Variants in RYR2 observed in about 807,000 individuals in gnomAD.
RYR2 encodes cardiac muscle ryanodine receptor-calcium release channel.
Under a neutral mutation model 601.1 loss-of-function variants are expected in RYR2, and 227 were observed. The ratio of observed to expected loss-of-function variants is 0.38; its 90% CI spans 0.34 to 0.42. The LOEUF is 0.42. Among genes scored for constraint, RYR2 ranks in the 10% least tolerant of loss-of-function variants. The pLI is 1.00. For missense variants in RYR2, 4,646 were observed against 6,156.5 expected (o/e 0.75, Z 8.21); for synonymous variants, 2,223 against 2,175.1 (o/e 1.02, Z -0.61).
intron 10 of RYR2, among the ~76,000 whole-genome samples, chr1:237,391,699 G>A (rs979344442): frequency 1.3e-5 from 2 of 152,010 alleles, no homozygotes; most frequent in African/African-American, 2.4e-5. Flanking sequence ...TATGATTCTG[G>A]ATATCAGTAG....
chr1:237,573,231 TACACAC>T (rs10556537), intron 29 of RYR2, among the ~76,000 whole-genome samples: 55,832 of 148,664 alleles, frequency 0.38, 11,088 homozygotes, highest in Admixed American at 0.47. Flanking sequence ...GATATACACA[TACACAC>T]ACACACACAC....
chr1:237,303,927 A>G (rs988652808), intron 2 of RYR2, among the ~76,000 whole-genome samples: 1 of 152,210 alleles, frequency 6.6e-6, no homozygotes, highest in African/African-American at 2.4e-5. Flanking sequence ...AGTAATTCCA[A>G]CCACCACAGC....
chr1:237,243,437 C>T (rs983896957), intron 1 of RYR2, among the ~76,000 whole-genome samples: 10 of 152,162 alleles, frequency 6.6e-5, no homozygotes, highest in Non-Finnish European at 1.2e-4. Flanking sequence ...ATAAAGACTC[C>T]TGCGAAGGGT....
intron 42 of RYR2, among the ~76,000 whole-genome samples, chr1:237,632,484 T>G (rs1448311578): frequency 6.8e-6 from 1 of 146,604 alleles, no homozygotes; most frequent in Non-Finnish European, 1.5e-5. Flanking sequence ...AACCTCCGCC[T>G]CCCAGGTTCA....
chr1:237,305,380 T>C (rs941683073), intron 2 of RYR2, among the ~76,000 whole-genome samples: 1 of 152,186 alleles, frequency 6.6e-6, no homozygotes, highest in Non-Finnish European at 1.5e-5. Context: ...CAGAAGAATA[T>C]ACACTTTATA....
chr1:237,502,822 A>G (rs1370359735), intron 21 of RYR2, among the ~76,000 whole-genome samples: 2 of 151,804 alleles, frequency 1.3e-5, no homozygotes, highest in African/African-American at 4.8e-5. Context: ...CAAGAAAGTG[A>G]AAAAAGAATC....
intron 1 of RYR2, among the ~76,000 whole-genome samples, chr1:237,267,903 A>C (rs896122640): frequency 1.3e-5 from 2 of 152,332 alleles, no homozygotes; most frequent in Non-Finnish European, 2.9e-5. Context: ...TGTGAGTAAC[A>C]AGTTACTTTA....
At chr1:237,273,532 G>A (rs960980208) in intron 2 of RYR2, among the ~76,000 whole-genome samples, 1 of 138,866 alleles carries the variant, frequency 7.2e-6, no homozygotes, top group Non-Finnish European at 1.5e-5. Context: ...CCAAGGAACT[G>A]AGATGGAATG....
chr1:237,823,662 C>A (rs188848704), intron 101 of RYR2, among the ~76,000 whole-genome samples: 27 of 151,988 alleles, frequency 1.8e-4, no homozygotes, highest in African/African-American at 5.1e-4. Context: ...TAGCAGAAGA[C>A]AAGAAATAAC....
rs12072641 is a variant in RYR2 at position 237,372,167 on chromosome 1, A to C, written c.385-2550A>C. On this transcript the variant is annotated intron_variant, in intron 6 of 104. Coordinates refer to ENST00000366574, the MANE Select transcript of RYR2 (RefSeq NM_001035.3). Reference sequence around the variant, plus strand: ...TAATTGTCTATTTAATGAAATTCAAAAGTATAGGATGAGAAGTATAGGAAA... The same window carrying C: ...TAATTGTCTATTTAATGAAATTCAACAGTATAGGATGAGAAGTATAGGAAA... Among the ~76,000 whole-genome samples, 1,005 of 152,354 alleles carry C rather than the reference A, an allele frequency of 6.6e-3. 16 individuals are homozygous for C. Among genetic ancestry groups the C allele is most frequent in the African/African-American group, 0.022 (903 of 41,578 alleles).
intron 2 of RYR2, among the ~76,000 whole-genome samples, chr1:237,279,342 T>C (rs1421337806): frequency 6.6e-6 from 1 of 152,216 alleles, no homozygotes; most frequent in African/African-American, 2.4e-5. Flanking sequence ...CTGCTGAGTC[T>C]CACCTTGTTC....
intron 98 of RYR2, among the ~76,000 whole-genome samples, chr1:237,805,362 C>T (rs557729589): frequency 2.6e-5 from 4 of 152,078 alleles, no homozygotes; most frequent in East Asian, 3.9e-4. Flanking sequence ...GGGTGGATCA[C>T]GAGGTTAGGA....
At position 237,345,841 on chromosome 1, in the gene RYR2, T is replaced by G. The variant is rs7517056; in HGVS notation, c.274-10124T>G. ...ATTAGTCCCCCTCATTCTTTTCCCC[T>G]GACCCCCAAATTGTTCTTATTCTTC... On this transcript the variant is annotated intron_variant, in intron 3 of 104. Transcript: ENST00000366574. Among the ~76,000 whole-genome samples the G allele has an allele frequency of 8.3e-3, 1,257 of 152,228 alleles. 20 individuals are homozygous for G. The highest frequency in any genetic ancestry group is 0.028 in the African/African-American group (1,173 of 41,534).
chr1:237,442,353 A>T (rs887718737), intron 13 of RYR2, among the ~76,000 whole-genome samples: 1 of 152,218 alleles, frequency 6.6e-6, no homozygotes, highest in Non-Finnish European at 1.5e-5. Flanking sequence ...ACTATAAAAA[A>T]GTTAAAAGAC....
At chr1:237,245,459 A>C (rs189864828) in intron 1 of RYR2, among the ~76,000 whole-genome samples, 2 of 152,302 alleles carry the variant, frequency 1.3e-5, no homozygotes, top group Admixed American at 1.3e-4. Context: ...GAAGAGTAAG[A>C]ATACAGGGTG....
At chr1:237,516,693 G>T (rs896324392) in intron 24 of RYR2, among the ~76,000 whole-genome samples, 1 of 152,112 alleles carries the variant, frequency 6.6e-6, no homozygotes, top group East Asian at 1.9e-4. Flanking sequence ...TTGCATTTAG[G>T]GTGTTGAGTC....
chr1:237,525,831 T>A (rs1667524203), intron 24 of RYR2, among the ~76,000 whole-genome samples: 1 of 151,952 alleles, frequency 6.6e-6, no homozygotes, highest in Admixed American at 6.6e-5. Context: ...AATACAAAAA[T>A]TAGCTGGGTA....
At chr1:237,501,906 C>T (rs988160843) in intron 21 of RYR2, among the ~76,000 whole-genome samples, 4 of 152,036 alleles carry the variant, frequency 2.6e-5, no homozygotes, top group Admixed American at 6.6e-5. Context: ...TTTGGGAGGC[C>T]GAGGTGGAAG....
intron 12 of RYR2, among the ~76,000 whole-genome samples, chr1:237,429,407 C>G (rs1215695455): frequency 6.6e-6 from 1 of 152,140 alleles, no homozygotes; most frequent in East Asian, 1.9e-4. Flanking sequence ...TGTAGCTTTC[C>G]AGGCTGGCTG....
Sources: gnomAD v4.1 joint callset for allele counts (sites outside exome capture counted in the v4.1 genomes callset) on GRCh38, gnomAD v4.1.1 for gene constraint, MANE v1.5 for transcripts, NCBI Gene and HGNC (gene_info 2026-07-23, HGNC 2026-07-21) for gene names.